Variants in CLUL1 observed in about 807,000 individuals in gnomAD.
CLUL1 encodes the protein clusterin like 1.
CLUL1 carries 43 observed loss-of-function variants against 49.4 expected under a neutral mutation model. The ratio of observed to expected loss-of-function variants is 0.87; its 90% CI spans 0.68 to 1.12. CLUL1 has a LOEUF of 1.12. Among genes scored for constraint, CLUL1 ranks in the 50% most tolerant of loss-of-function variants. The pLI, the probability that CLUL1 is intolerant of heterozygous loss-of-function variation, is 0.00. For missense variants in CLUL1, 486 were observed against 544.4 expected (o/e 0.89, Z 1.07); for synonymous variants, 192 against 184.9 (o/e 1.04, Z -0.31).
intron 2 of CLUL1, chr18:616,842 T>A: frequency 4.8e-6 from 1 of 209,806 alleles, no homozygotes; most frequent in Non-Finnish European, 8.3e-6. Flanking sequence ...ATGATGTATG[T>A]AAAATGTGAT....
rs563285861 is a variant in CLUL1 at position 606,952 on chromosome 18, T to A, written c.-135-26T>A. 24 of 606,944 alleles carry A rather than the reference T, an allele frequency of 4.0e-5. No individual in the cohort carries two copies. The highest frequency in any genetic ancestry group is 3.9e-4 in the African/African-American group (21 of 53,500). 37.6% of individuals were successfully genotyped at this position (606,944 alleles called of 1,614,324 possible). A position where few individuals can be genotyped will look rare whatever the true frequency, so the allele number is the denominator to read the frequency against. On this transcript the variant is annotated intron_variant, in intron 1 of 9. Coordinates refer to ENST00000692774, the MANE Select transcript of CLUL1 (RefSeq NM_001393344.1). This position sits in a 1 kb window ranked among gnomAD's most constrained non-coding sequence, Gnocchi z 4.1. ...TTTTAGGCGGCTCCCTAAAATTTCT[T>A]TTCTTTTTTCTTTTCTTTTCTTTAG... is the stretch of plus-strand genomic sequence containing the variant.
rs1392009281 is a variant in CLUL1 at position 633,408 on chromosome 18, C to G, written c.967C>G (p.Gln323Glu). The change falls in exon 7 of 10, where the codon CAA becomes GAA. Residue 323 changes from glutamine to glutamate, a missense_variant. Transcript: ENST00000692774. The stretch of plus-strand genomic sequence containing the variant: ...ATGTTTCAAATTTCATGAAAAATGC[C>G]AAAAATGTCAGGCTCACCTATCTGA... ...SRCFKFHEKC[Q>E]KCQAHLSEDC... 1 of 1,613,650 alleles carries G rather than the reference C, an allele frequency of 6.2e-7. No homozygotes were observed. The highest frequency in any genetic ancestry group is 2.2e-5 in the East Asian group (1 of 44,878).
At chr18:598,939 G>A (rs1438851245) in intron 1 of CLUL1, among the ~76,000 whole-genome samples, 1 of 152,034 alleles carries the variant, frequency 6.6e-6, no homozygotes, top group African/African-American at 2.4e-5. Context: ...ATTGTTGTCT[G>A]TTAACAGCTT....
chr18:625,651 C>T (rs1328665001), intron 5 of CLUL1, among the ~76,000 whole-genome samples: 3 of 151,982 alleles, frequency 2.0e-5, no homozygotes, highest in Non-Finnish European at 2.9e-5. Flanking sequence ...GCAGAGGGAT[C>T]ACAGAGGGTG....
intron 7 of CLUL1, among the ~76,000 whole-genome samples, chr18:636,618 T>TTC (rs1171263214): frequency 6.9e-5 from 10 of 144,338 alleles, no homozygotes; most frequent in Admixed American, 2.8e-4. Flanking sequence ...AACACTCCCT[T>TTC]TCTCTCTTTT....
At chr18:600,852 A>G (rs951111482) in intron 1 of CLUL1, among the ~76,000 whole-genome samples, 3 of 152,210 alleles carry the variant, frequency 2.0e-5, no homozygotes, top group African/African-American at 7.2e-5. Context: ...CACTGAAGCT[A>G]TATCATAAGA....
At chr18:617,450 C>T (rs761789247) in intron 2 of CLUL1, among the ~76,000 whole-genome samples, 4 of 151,866 alleles carry the variant, frequency 2.6e-5, no homozygotes, top group African/African-American at 7.3e-5. Context: ...CAAAATTAAC[C>T]GGGCTTGGTG....
At chr18:641,148 C>T (rs1392906411) in intron 7 of CLUL1, among the ~76,000 whole-genome samples, 179 bp from the exon 8 acceptor site, 1 of 152,152 alleles carries the variant, frequency 6.6e-6, no homozygotes, top group Non-Finnish European at 1.5e-5. Context: ...TAAACTGGAT[C>T]TGGTTTGACA....
At chr18:640,396 C>A (rs570624096) in intron 7 of CLUL1, among the ~76,000 whole-genome samples, 1 of 150,266 alleles carries the variant, frequency 6.7e-6, no homozygotes, top group African/African-American at 2.5e-5. Flanking sequence ...GGTAACAGAG[C>A]GAGAACCTGT....
chr18:625,825 C>T (rs1157322669), intron 5 of CLUL1, among the ~76,000 whole-genome samples: 1 of 151,796 alleles, frequency 6.6e-6, no homozygotes, highest in Non-Finnish European at 1.5e-5. Flanking sequence ...ATGCCGTACT[C>T]AATTACAAAG....
In CLUL1 at chr18:619,309, A is replaced by G. The variant is rs770548099; in HGVS notation, c.203A>G (p.Lys68Arg). The G allele has an allele frequency of 6.2e-7, 1 of 1,614,150 alleles. No homozygotes were observed. Among genetic ancestry groups the G allele is most frequent in the East Asian group, 2.2e-5 (1 of 44,874 alleles). ...QMKIMMERKE[K>R]EHTNLMSTLK... ...AAAATCATGATGGAAAGAAAAGAGA[A>G]GGAACACACCAATCTAATGAGCACC... The change falls in exon 4 of 10, where the codon AAG (lysine) becomes AGG (arginine). Residue 68 changes from lysine to arginine, a missense_variant. Transcript: ENST00000692774.
At chr18:599,535 A>C (rs971653582) in intron 1 of CLUL1, among the ~76,000 whole-genome samples, 1 of 152,190 alleles carries the variant, frequency 6.6e-6, no homozygotes, top group African/African-American at 2.4e-5. Context: ...CTTTAGAAAT[A>C]ATTGATTTTC....
chr18:634,879 C>G (rs950270778), intron 7 of CLUL1, among the ~76,000 whole-genome samples: 5 of 152,146 alleles, frequency 3.3e-5, no homozygotes, highest in African/African-American at 1.2e-4. Flanking sequence ...TCCAACCCCA[C>G]CAGGGCCAAA....
At chr18:645,810 A>AAAAAAAAAT (rs1451607900) in intron 9 of CLUL1, among the ~76,000 whole-genome samples, 9 of 29,862 alleles carry the variant, frequency 3.0e-4, no homozygotes, top group East Asian at 8.7e-4. Flanking sequence ...AAAAAAAAAA[A>AAAAAAAAAT]ATATATATAT....
chr18:609,287 T>C (rs1248896983), intron 2 of CLUL1, among the ~76,000 whole-genome samples: 1 of 152,236 alleles, frequency 6.6e-6, no homozygotes, highest in Admixed American at 6.5e-5. Context: ...TGATTCCGAA[T>C]TTATACGCTA....
At chr18:625,174 G>A in intron 5 of CLUL1, 142 bp downstream of exon 5, 1 of 784,710 alleles carries the variant, frequency 1.3e-6, no homozygotes, top group South Asian at 2.0e-5. Flanking sequence ...TAATACTAAT[G>A]TTTACATACC....
intron 1 of CLUL1, chr18:597,538 C>G (rs1198124864): frequency 6.6e-6 from 1 of 152,104 alleles, no homozygotes. Flanking sequence ...CCAGCCTGGC[C>G]GGCATGGTGA....
chr18:613,610 A>T, intron 2 of CLUL1, among the ~76,000 whole-genome samples: 1 of 148,888 alleles, frequency 6.7e-6, no homozygotes, highest in Non-Finnish European at 1.5e-5. Context: ...ACCTGCCACC[A>T]CCCCCAGCTA....
chr18:635,339 G>A (rs991058934), intron 7 of CLUL1, among the ~76,000 whole-genome samples: 3 of 152,080 alleles, frequency 2.0e-5, no homozygotes, highest in Admixed American at 6.6e-5. Flanking sequence ...TTGTGCTCCC[G>A]TGAGAATGGA....
Sources: allele counts gnomAD v4.1 joint callset (sites outside exome capture counted in the v4.1 genomes callset), GRCh38; gene constraint gnomAD v4.1.1; non-coding constraint Gnocchi (gnomAD v3.1); transcripts MANE v1.5; gene names NCBI Gene and HGNC (gene_info 2026-07-23, HGNC 2026-07-21).